The following CHD7 variants were observed in gnomAD, a reference collection of about 807,000 sequenced individuals.
CHD7 encodes the protein ATP-dependent chromatin remodeler CHD7.
Under a neutral mutation model 307.3 loss-of-function variants are expected in CHD7, and 24 were observed. The ratio of observed to expected loss-of-function variants is 0.08; its 90% CI spans 0.06 to 0.11. The LOEUF is 0.11. Among genes scored for constraint, CHD7 ranks in the 10% least tolerant of loss-of-function variants. CHD7 has a pLI of 1.00. For synonymous variants in CHD7, 1,363 were observed against 1,349.9 expected (o/e 1.01, Z -0.21); for missense variants, 3,106 against 3,727.1 (o/e 0.83, Z 4.34).
chr8:60,827,533 G>A (rs931474232), intron 13 of CHD7, among the ~76,000 whole-genome samples: 1 of 152,138 alleles, frequency 6.6e-6, no homozygotes, highest in Non-Finnish European at 1.5e-5. Flanking sequence ...CTATCCACAA[G>A]TGTGGTGATA....
In CHD7 at chr8:60,748,481, T is replaced by C. The variant is rs542645380; in HGVS notation, c.1665+5384T>C. Among the ~76,000 whole-genome samples the C allele has an allele frequency of 7.2e-5, 11 of 152,238 alleles. No individual in the cohort carries two copies. In the South Asian group the frequency reaches 2.3e-3, roughly 32 times the overall value. ...ATGGACACAGCACCATGGGGCTCTT[T>C]GCAGCACCCAGGAGTACGAAGAGGG... On this transcript the variant is annotated intron_variant, in intron 2 of 37. Coordinates refer to ENST00000423902, the MANE Select transcript of CHD7 (RefSeq NM_017780.4).
In CHD7 at chr8:60,741,492, T is replaced by C; in HGVS notation, c.60T>C (p.Gly20=). 4 of 1,612,568 alleles carry C rather than the reference T, an allele frequency of 2.5e-6. No homozygotes were observed. Among genetic ancestry groups the C allele is most frequent in the Non-Finnish European group, 3.4e-6 (4 of 1,179,270 alleles). ...AGGATGGGAATATTTTCAGTGAAGGTCTTGAAGGCCTCGGAGAATGTGGTT... is the reference window on the plus strand; with the variant it reads ...AGGATGGGAATATTTTCAGTGAAGGCCTTGAAGGCCTCGGAGAATGTGGTT... ...FGEDGNIFSE[G]LEGLGECGYP... The change falls in exon 2 of 38, where the codon GGT becomes GGC. Residue 20 remains glycine, a synonymous_variant. Coordinates refer to ENST00000423902, the MANE Select transcript of CHD7 (RefSeq NM_017780.4).
chr8:60,842,965 C>T (rs1805039525), intron 21 of CHD7, among the ~76,000 whole-genome samples: 1 of 152,158 alleles, frequency 6.6e-6, no homozygotes, highest in Non-Finnish European at 1.5e-5. Context: ...CTAGAGGACC[C>T]CCCACTTGCA....
At chr8:60,756,499 CCT>C (rs1809899873) in intron 2 of CHD7, among the ~76,000 whole-genome samples, 1 of 152,044 alleles carries the variant, frequency 6.6e-6, no homozygotes, top group Admixed American at 6.6e-5. Context: ...CAAAAAAGTC[CCT>C]GTCACAAATG....
At chr8:60,772,392 A>AAACTT (rs1810753035) in intron 2 of CHD7, among the ~76,000 whole-genome samples, 1 of 152,232 alleles carries the variant, frequency 6.6e-6, no homozygotes, top group South Asian at 2.1e-4. Flanking sequence ...AAGGTAGTAG[A>AAACTT]AACTTAAATG....
rs1299554779 is a variant in CHD7 at position 60,795,018 on chromosome 8, T to G, written c.2129T>G (p.Leu710Trp). Residue 710 changes from leucine (L) to tryptophan (W), a missense_variant, in exon 4 of 38, where the codon TTG (leucine) becomes TGG (tryptophan). Physicochemically the swap from Leu to Trp is moderately conservative, Grantham distance 61. This residue lies in a region of CHD7 where 998 missense variants were observed against 1,004.5 expected (regional missense o/e 0.99). Coordinates refer to ENST00000423902, the MANE Select transcript of CHD7 (RefSeq NM_017780.4). ...AAACCTGACTCAGAAGCAAGTGCTT[T>G]GAAGAAAAAGGTCAACAAGGGAAAA... The part of the protein sequence containing the change: ...NKKPDSEASA[L>W]KKKVNKGKTE... 1.9e-6 allele frequency: 3 copies of G among 1,613,632 alleles called. No individual in the cohort carries two copies. Among genetic ancestry groups the G allele is most frequent in the Non-Finnish European group, 2.5e-6 (3 of 1,179,770 alleles).
chr8:60,839,065 A>G (rs1804858935), intron 19 of CHD7, among the ~76,000 whole-genome samples: 1 of 152,234 alleles, frequency 6.6e-6, no homozygotes, highest in African/African-American at 2.4e-5. Flanking sequence ...CCTCATGCTC[A>G]TTAGCAATCA....
At chr8:60,714,945 GC>G (rs1186552771) in intron 1 of CHD7, among the ~76,000 whole-genome samples, 4 of 152,240 alleles carry the variant, frequency 2.6e-5, no homozygotes, top group African/African-American at 9.6e-5. Context: ...GGGCGCAGGC[GC>G]CATAGTGGGG....
At position 60,800,535 on chromosome 8, in the gene CHD7, A is replaced by G. The variant is rs1209241199; in HGVS notation, c.2376+10A>G. The G allele has an allele frequency of 1.9e-6, 3 of 1,596,984 alleles. No homozygotes were observed. The highest frequency in any genetic ancestry group is 2.3e-5 in the East Asian group (1 of 44,412). On this transcript the variant is annotated intron_variant, in intron 5 of 37. Coordinates refer to ENST00000423902, the MANE Select transcript of CHD7 (RefSeq NM_017780.4). Reference sequence around the variant, plus strand: ...CCAGTCAGAACAGCAGGTTAGTACCAGATCTGTGGGATTTATGGATGCATT... The same window carrying G: ...CCAGTCAGAACAGCAGGTTAGTACCGGATCTGTGGGATTTATGGATGCATT...
chr8:60,804,658 G>T (rs755794940), intron 6 of CHD7, among the ~76,000 whole-genome samples: 2 of 152,144 alleles, frequency 1.3e-5, no homozygotes, highest in African/African-American at 4.8e-5. Flanking sequence ...TCATTCTTTT[G>T]TGTATTATTT....
Position 60,800,465 on chromosome 8 carries a change from A to C in CHD7, c.2316A>C (p.Ala772=). The C allele has an allele frequency of 6.2e-7, 1 of 1,613,944 alleles. No individual in the cohort carries two copies. The highest frequency in any genetic ancestry group is 1.3e-5 in the African/African-American group (1 of 75,058). ...AGTTCAAGATTTCTGATGAGGAGGC[A>C]GATGATGCAGATGCTGCTGGGAGGG... ...DLEFKISDEE[A]DDADAAGRDS... The change falls in exon 5 of 38, where the codon GCA becomes GCC. Residue 772 remains alanine, a synonymous_variant. Transcript: ENST00000423902.
chr8:60,831,913 G>A (rs1031207065), intron 15 of CHD7, among the ~76,000 whole-genome samples: 13 of 152,018 alleles, frequency 8.6e-5, no homozygotes, highest in African/African-American at 2.2e-4. Context: ...AGAAGTCTCC[G>A]TTACTAATGG....
intron 2 of CHD7, 123 bp from the exon 3 acceptor site, chr8:60,780,877 T>A: frequency 8.0e-7 from 1 of 1,251,778 alleles, no homozygotes; most frequent in South Asian, 2.4e-5. Context: ...AACTGTATAG[T>A]TGGAAAAATA....
chr8:60,809,404 A>C (rs908152804), intron 7 of CHD7: 3 of 152,256 alleles, frequency 2.0e-5, no homozygotes, highest in Admixed American at 6.5e-5. Flanking sequence ...AGGTAAACTA[A>C]GTAAACCAGA....
intron 2 of CHD7, among the ~76,000 whole-genome samples, chr8:60,778,107 G>T (rs191934403): frequency 1.6e-3 from 238 of 151,708 alleles, no homozygotes; most frequent in African/African-American, 5.6e-3. Flanking sequence ...GGGGGTGGAG[G>T]GGGGGACATG....
chr8:60,828,254 G>A lies in CHD7; in HGVS notation c.3379-409G>A, dbSNP rs751987967. 4.2e-4 allele frequency among the ~76,000 whole-genome samples: 64 copies of A among 152,308 alleles called. 1 individual carries two copies. The highest frequency in any genetic ancestry group is 7.8e-4 in the Non-Finnish European group (53 of 68,026). ...CTCTATGAAGTGAGTCATGCAGGAA[G>A]CAGATGGAGAGATGAGAGCACTGTT... On this transcript the variant is annotated intron_variant, in intron 13 of 37. Transcript: ENST00000423902.
rs1473697439 is a variant in CHD7, at chr8:60,868,006, C to A, written c.*2073C>A. ...GGAGAATTTGCTTAATAAAATGAGT[C>A]ATTAAAGGGTGTTTTTTTTAAAGTT... On this transcript the variant is annotated 3_prime_UTR_variant, in exon 38 of 38. Coordinates refer to ENST00000423902, the MANE Select transcript of CHD7 (RefSeq NM_017780.4). 6.6e-6 allele frequency: 1 copy of A among 152,152 alleles called. No homozygotes were observed. The highest frequency in any genetic ancestry group is 6.5e-5 in the Admixed American group (1 of 15,296). The allele number at this position is 152,152 out of a possible 1,614,324, so 9.4% of individuals were successfully genotyped here. A position where few individuals can be genotyped will look rare whatever the true frequency, so the allele number is the denominator to read the frequency against.
chr8:60,711,286 G>A (rs1361393356), intron 1 of CHD7, among the ~76,000 whole-genome samples: 2 of 152,218 alleles, frequency 1.3e-5, no homozygotes, highest in Admixed American at 6.5e-5. Context: ...CCTGGGGAAA[G>A]CATCTCTATG....
At chr8:60,861,222 C>T in intron 35 of CHD7, 97 bp downstream of exon 35, 1 of 911,720 alleles carries the variant, frequency 1.1e-6, no homozygotes, top group Admixed American at 2.7e-5. Context: ...GTCCCTCTGC[C>T]TTTTCCTTGA....
Sources: gnomAD v4.1 joint callset for allele counts (sites outside exome capture counted in the v4.1 genomes callset) on GRCh38, gnomAD v4.1.1 for gene constraint, gnomAD v4.1.1 regional missense constraint, MANE v1.5 for transcripts, NCBI Gene and HGNC (gene_info 2026-07-23, HGNC 2026-07-21) for gene names.